The following TRPM3 variants were observed in gnomAD, a reference collection of about 807,000 sequenced individuals.
TRPM3 encodes transient receptor potential cation channel subfamily M member 3, also known as long transient receptor potential channel 3.
Under a neutral mutation model 181.2 loss-of-function variants are expected in TRPM3, and 77 were observed. The observed-to-expected ratio is 0.42, with a 90% CI of 0.35 to 0.51. TRPM3 has a LOEUF of 0.51. TRPM3 is among the 20% of genes least tolerant of loss of function. TRPM3 has a pLI of 0.01. For synonymous variants in TRPM3, 745 were observed against 796.4 expected, an observed-to-expected ratio of 0.94 and a Z score of 1.09; for missense variants, 1,759 against 2,196.7, an observed-to-expected ratio of 0.80 and a Z score of 3.98.
chr9:71,193,144 A>G (rs1437417658), intron 1 of TRPM3, among the ~76,000 whole-genome samples: 1 of 151,752 alleles, frequency 6.6e-6, no homozygotes, highest in African/African-American at 2.4e-5. Context: ...TCATGAATCT[A>G]CTCAATTTTC....
chr9:71,233,623 G>GA (rs2081198211), intron 1 of TRPM3, among the ~76,000 whole-genome samples: 1 of 152,136 alleles, frequency 6.6e-6, no homozygotes, highest in African/African-American at 2.4e-5. Context: ...GAAACTGCAG[G>GA]AAAAACTGCA....
At chr9:70,924,325 T>C (rs562291209) in intron 1 of TRPM3, among the ~76,000 whole-genome samples, 1 of 152,306 alleles carries the variant, frequency 6.6e-6, no homozygotes, top group Admixed American at 6.5e-5. Flanking sequence ...TACTTCCATA[T>C]ACTATTTATT....
intron 1 of TRPM3, among the ~76,000 whole-genome samples, chr9:71,151,259 G>T (rs1197451166): frequency 6.6e-6 from 1 of 151,780 alleles, no homozygotes; most frequent in African/African-American, 2.4e-5. Flanking sequence ...TATCACAAAG[G>T]GATACATTTT....
exon 1 of TRPM3, chr9:71,446,784 G>C (rs191324427): frequency 1.3e-6 from 2 of 1,550,362 alleles, no homozygotes; most frequent in Admixed American, 2.0e-5. Flanking sequence ...TTGTCCTCGC[G>C]GTCGGAGCAG....
chr9:70,650,257 G>A (rs1257022326), intron 9 of TRPM3, among the ~76,000 whole-genome samples: 2 of 152,118 alleles, frequency 1.3e-5, no homozygotes, highest in African/African-American at 4.8e-5. Context: ...CAAAACCACA[G>A]GGGCATGCAA....
At chr9:71,125,616 T>C (rs144084411), upstream of TRPM3, among the ~76,000 whole-genome samples, 3 of 152,328 alleles carry the variant, frequency 2.0e-5, no homozygotes, top group South Asian at 2.1e-4. Flanking sequence ...TTTGGGTTGA[T>C]TCCATGTCTT....
chr9:71,239,762 T>C (rs1047864616), intron 1 of TRPM3, among the ~76,000 whole-genome samples: 3 of 152,148 alleles, frequency 2.0e-5, no homozygotes, highest in African/African-American at 7.2e-5. Flanking sequence ...AAATGGGCTT[T>C]CTTTTTTGTC....
chr9:70,832,219 C>T (rs2093981464), intron 5 of TRPM3, among the ~76,000 whole-genome samples: 1 of 149,168 alleles, frequency 6.7e-6, no homozygotes, highest in South Asian at 2.1e-4. Flanking sequence ...GTGCAGCGCA[C>T]CAGCATGGCA....
At chr9:71,380,761 A>G (rs2092780830) in intron 1 of TRPM3, among the ~76,000 whole-genome samples, 1 of 152,092 alleles carries the variant, frequency 6.6e-6, no homozygotes, top group East Asian at 1.9e-4. Context: ...TTCATAAAGA[A>G]AACGTATTTA....
At chr9:71,423,088 C>G (rs1381165377) in intron 1 of TRPM3, among the ~76,000 whole-genome samples, 39 of 152,068 alleles carry the variant, frequency 2.6e-4, no homozygotes, top group Non-Finnish European at 2.9e-5. Context: ...ATTTCCATTT[C>G]AGTCTATCAC....
intron 1 of TRPM3, among the ~76,000 whole-genome samples, chr9:70,946,431 T>C (rs2096933185): frequency 8.8e-6 from 1 of 114,196 alleles, no homozygotes; most frequent in African/African-American, 3.9e-5. Flanking sequence ...CTCTGTTAAA[T>C]GGTAATAATA....
Position 70,537,412 on chromosome 9 carries a change from G to A in TRPM3, c.3708-7C>T, listed in dbSNP as rs201691726. On this transcript the variant is annotated splice_region_variant and splice_polypyrimidine_tract_variant and intron_variant, in intron 25 of 25. Coordinates refer to ENST00000677713, the MANE Select transcript of TRPM3 (RefSeq NM_001366145.2). Reference sequence around the variant, plus strand: ...CATAGACATGTTCTCCACCCTGCGCGAGGAAGAGAGAATGAGAGTCACTCG... The same window carrying A: ...CATAGACATGTTCTCCACCCTGCGCAAGGAAGAGAGAATGAGAGTCACTCG... The A allele has an allele frequency of 8.3e-4, 1,190 of 1,441,100 alleles. 1 individual carries two copies. The highest frequency in any genetic ancestry group is 1.0e-3 in the Non-Finnish European group (1,140 of 1,098,476). The allele number at this position is 1,441,100 out of a possible 1,614,324, so 89.3% of individuals were successfully genotyped here. A position where few individuals can be genotyped will look rare whatever the true frequency, so the allele number is the denominator to read the frequency against.
At chr9:70,586,579 C>A (rs1167103191) in intron 22 of TRPM3, among the ~76,000 whole-genome samples, 1 of 152,230 alleles carries the variant, frequency 6.6e-6, no homozygotes, top group Non-Finnish European at 1.5e-5. Flanking sequence ...CAAAACAAAA[C>A]CCTTTCCCAA....
At chr9:71,219,916 T>C (rs535561772) in intron 1 of TRPM3, among the ~76,000 whole-genome samples, 1 of 152,330 alleles carries the variant, frequency 6.6e-6, no homozygotes, top group South Asian at 2.1e-4. Context: ...AAGCTACATT[T>C]TTCTGGGGAG....
chr9:71,050,404 T>C (rs907205882), intron 1 of TRPM3, among the ~76,000 whole-genome samples: 15 of 152,320 alleles, frequency 9.8e-5, no homozygotes, highest in African/African-American at 3.6e-4. Context: ...GATACAGTTT[T>C]GCTCACAGAA....
chr9:70,867,138 G>A (rs2132491752), intron 1 of TRPM3, among the ~76,000 whole-genome samples: 1 of 152,058 alleles, frequency 6.6e-6, no homozygotes, highest in East Asian at 1.9e-4. Flanking sequence ...GTCCCCACAT[G>A]CGCAGGAATG....
At chr9:70,592,610 A>G (rs2058309804) in intron 21 of TRPM3, among the ~76,000 whole-genome samples, 1 of 152,232 alleles carries the variant, frequency 6.6e-6, no homozygotes, top group Non-Finnish European at 1.5e-5. Flanking sequence ...CATAGAATAC[A>G]AAAGACTTTC....
At chr9:70,695,326 C>T (rs1310640253) in intron 8 of TRPM3, among the ~76,000 whole-genome samples, 3 of 152,216 alleles carry the variant, frequency 2.0e-5, no homozygotes, top group Non-Finnish European at 4.4e-5. Flanking sequence ...AGGATTATTG[C>T]AAATCTTTGT....
intron 19 of TRPM3, among the ~76,000 whole-genome samples, chr9:70,608,417 A>ACAAT (rs781528107): frequency 2.0e-4 from 30 of 152,152 alleles, no homozygotes; most frequent in Non-Finnish European, 4.0e-4. Flanking sequence ...TTCGCAGGCC[A>ACAAT]CAATCACAGG....
Sources: gnomAD v4.1 joint callset for allele counts (sites outside exome capture counted in the v4.1 genomes callset) on GRCh38, gnomAD v4.1.1 for gene constraint, MANE v1.5 for transcripts, NCBI Gene and HGNC (gene_info 2026-07-23, HGNC 2026-07-21) for gene names.